TIA1: variants seen among roughly 807,000 people sequenced by gnomAD.
TIA1 encodes TIA1 cytotoxic granule associated RNA binding protein, also known as cytotoxic granule associated RNA binding protein TIA1.
TIA1 carries 23 observed loss-of-function variants against 65.9 expected under a neutral mutation model. That is an observed-to-expected ratio of 0.35 (90% CI 0.25 to 0.49). TIA1 has a LOEUF of 0.49. Among genes scored for constraint, TIA1 ranks in the 20% least tolerant of loss-of-function variants. The pLI is 0.98. For synonymous variants in TIA1, 147 were observed against 149.4 expected, an observed-to-expected ratio of 0.98 and a Z score of 0.12; for missense variants, 371 against 477.9, an observed-to-expected ratio of 0.78 and a Z score of 2.09.
In TIA1 at chr2:70,209,522, A is replaced by C; in HGVS notation, c.*3197T>G. 1 of 398,178 alleles carries C rather than the reference A, an allele frequency of 2.5e-6. No individual in the cohort carries two copies. Among genetic ancestry groups the C allele is most frequent in the Non-Finnish European group, 4.4e-6 (1 of 225,900 alleles). 24.7% of individuals were successfully genotyped at this position (398,178 alleles called of 1,614,324 possible). On this transcript the variant is annotated 3_prime_UTR_variant, in exon 13 of 13. Coordinates refer to ENST00000433529, the MANE Select transcript of TIA1 (RefSeq NM_022173.4). ...CATTTTGGATGTACATTCAAATTCT[A>C]AACACAACAGTCAAAATGCAGTGAC...
At chr2:70,220,986 T>C (rs1377204845) in intron 7 of TIA1, among the ~76,000 whole-genome samples, 2 of 151,282 alleles carry the variant, frequency 1.3e-5, no homozygotes, top group African/African-American at 2.4e-5. Context: ...GGCAACAAAG[T>C]GAGATTGTTC....
chr2:70,228,747 C>T (rs1188501310), intron 5 of TIA1: 2 of 985,250 alleles, frequency 2.0e-6, no homozygotes, highest in African/African-American at 3.5e-5. Flanking sequence ...GCAACTCAAG[C>T]ATTTGGAAGA....
chr2:70,244,579 T>C (rs996425897), intron 1 of TIA1, among the ~76,000 whole-genome samples: 1 of 152,104 alleles, frequency 6.6e-6, no homozygotes, highest in Non-Finnish European at 1.5e-5. Flanking sequence ...TTGTCGCCTG[T>C]AATCCCAGCA....
chr2:70,229,339 C>G, intron 3 of TIA1, 21 bp from the exon 4 acceptor site: 1 of 1,575,428 alleles, frequency 6.3e-7, no homozygotes. Context: ...AAAATTTCTA[C>G]ATTTATACTT....
Position 70,248,452 on chromosome 2 carries a change from G to A in TIA1, c.-22C>T. The A allele has an allele frequency of 6.2e-7, 1 of 1,600,706 alleles. No individual in the cohort carries two copies. The highest frequency in any genetic ancestry group is 8.5e-7 in the Non-Finnish European group (1 of 1,179,914). ...CCATGGCTGCTGCTGTCGCGGCGGC[G>A]CCTCCAGGTCCAGCTCCCTGCCCTT... On this transcript the variant is annotated 5_prime_UTR_variant, in exon 1 of 13. Coordinates refer to ENST00000433529, the MANE Select transcript of TIA1 (RefSeq NM_022173.4).
chr2:70,221,889 G>C (rs1681565598), intron 7 of TIA1, among the ~76,000 whole-genome samples: 1 of 151,902 alleles, frequency 6.6e-6, no homozygotes, highest in Non-Finnish European at 1.5e-5. Flanking sequence ...CTGGGCTCAG[G>C]TGATTCCCCC....
At chr2:70,226,006 T>C (rs990799224) in intron 6 of TIA1, among the ~76,000 whole-genome samples, 4 of 152,132 alleles carry the variant, frequency 2.6e-5, no homozygotes, top group African/African-American at 9.6e-5. Context: ...TTATCTCCTT[T>C]AACAACAACA....
At chr2:70,234,996 G>A (rs1688156290) in intron 2 of TIA1, among the ~76,000 whole-genome samples, 1 of 152,240 alleles carries the variant, frequency 6.6e-6, no homozygotes, top group Middle Eastern at 3.4e-3. Flanking sequence ...ATAGCAGGCT[G>A]GGTGCAATGG....
In TIA1 at chr2:70,230,745, C is replaced by A. The variant is rs200635374; in HGVS notation, c.222+11G>T. 32 of 1,572,910 alleles carry A rather than the reference C, an allele frequency of 2.0e-5. No individual in the cohort carries two copies. Among genetic ancestry groups the A allele is most frequent in the Non-Finnish European group, 2.7e-5 (31 of 1,162,918 alleles). On this transcript the variant is annotated intron_variant, in intron 3 of 12. Transcript: ENST00000433529. ...CAGTGCAAGTCACCTTCTTTAATTACGACAGCTTACCTTACCCATTATCTT... is the reference window on the plus strand; with the variant it reads ...CAGTGCAAGTCACCTTCTTTAATTAAGACAGCTTACCTTACCCATTATCTT...
At chr2:70,244,058 C>G (rs754678961) in intron 1 of TIA1, among the ~76,000 whole-genome samples, 1 of 152,194 alleles carries the variant, frequency 6.6e-6, no homozygotes, top group Non-Finnish European at 1.5e-5. Context: ...CCCTAACATT[C>G]CTATTTATCA....
At chr2:70,232,179 A>AG in intron 2 of TIA1, among the ~76,000 whole-genome samples, 1 of 145,302 alleles carries the variant, frequency 6.9e-6, no homozygotes, top group African/African-American at 2.5e-5. Context: ...ACTGCACTCC[A>AG]GCCTGGGCGA....
chr2:70,223,954 T>C (rs180878645), intron 7 of TIA1, among the ~76,000 whole-genome samples: 12 of 152,216 alleles, frequency 7.9e-5, no homozygotes, highest in African/African-American at 2.2e-4. Context: ...AGGGTCTCAC[T>C]CTGTCGCCCA....
chr2:70,245,851 T>C (rs1319700515), intron 1 of TIA1, among the ~76,000 whole-genome samples: 1 of 152,020 alleles, frequency 6.6e-6, no homozygotes, highest in Non-Finnish European at 1.5e-5. Context: ...TGATAAAAAT[T>C]CAGACTCTAT....
At chr2:70,238,339 C>T (rs1257730695) in intron 1 of TIA1, among the ~76,000 whole-genome samples, 7 of 123,804 alleles carry the variant, frequency 5.7e-5, no homozygotes, top group African/African-American at 1.2e-4. Flanking sequence ...GGTGCGATCT[C>T]GGCTCATTGC....
At chr2:70,229,490 T>C (rs1685188950) in intron 3 of TIA1, among the ~76,000 whole-genome samples, 172 bp from the exon 4 acceptor site, 1 of 152,248 alleles carries the variant, frequency 6.6e-6, no homozygotes, top group African/African-American at 2.4e-5. Context: ...GCAAATAATG[T>C]TGACAAATCC....
In TIA1 at chr2:70,248,611, C is replaced by G; in HGVS notation, c.-181G>C. 1.2e-6 allele frequency: 1 copy of G among 820,930 alleles called. No individual in the cohort carries two copies. Among genetic ancestry groups the G allele is most frequent in the Admixed American group, 2.4e-5 (1 of 41,420 alleles). The allele number at this position is 820,930 out of a possible 1,614,324, so 50.9% of individuals were successfully genotyped here. A position where few individuals can be genotyped will look rare whatever the true frequency, so the allele number is the denominator to read the frequency against. On this transcript the variant is annotated 5_prime_UTR_variant, in exon 1 of 13. Coordinates refer to ENST00000433529, the MANE Select transcript of TIA1 (RefSeq NM_022173.4). The stretch of plus-strand genomic sequence containing the variant: ...CCGGCCCAGCGGGAACAATGAAACC[C>G]CAATACAAGATGGCGGCGAGCCGGG...
At chr2:70,230,087 C>CA (rs1402708665) in intron 3 of TIA1, among the ~76,000 whole-genome samples, 1 of 151,318 alleles carries the variant, frequency 6.6e-6, no homozygotes, top group East Asian at 1.9e-4. Flanking sequence ...ACTAAAAATA[C>CA]AAAAAATTAG....
intron 7 of TIA1, 134 bp from the exon 8 acceptor site, chr2:70,217,128 A>G: frequency 1.4e-6 from 1 of 711,198 alleles, no homozygotes; most frequent in Non-Finnish European, 2.1e-6. Flanking sequence ...ACAACATATG[A>G]TAGCTTTCCT....
intron 4 of TIA1, 39 bp from the exon 5 acceptor site, chr2:70,229,130 C>T: frequency 6.2e-7 from 1 of 1,612,070 alleles, no homozygotes. Context: ...AATTTATTAA[C>T]ACAAACACAT....
Sources: allele counts gnomAD v4.1 joint callset (sites outside exome capture counted in the v4.1 genomes callset), GRCh38; gene constraint gnomAD v4.1.1; transcripts MANE v1.5; gene names NCBI Gene and HGNC (gene_info 2026-07-23, HGNC 2026-07-21).